PCDH15: variants seen among roughly 807,000 people sequenced by gnomAD.
The protein encoded by PCDH15 is protocadherin-15.
In PCDH15, 129 loss-of-function variants were observed where a neutral mutation model predicts 178.5. The ratio of observed to expected loss-of-function variants is 0.72; its 90% CI spans 0.63 to 0.84. The LOEUF (loss-of-function observed/expected upper bound fraction) is 0.84, where lower values mean the gene tolerates loss of function less well. Ranked by LOEUF, PCDH15 falls within the 40% of genes least tolerant of loss-of-function variation. The pLI is 0.00. For synonymous variants in PCDH15, 800 were observed against 732.0 expected, an observed-to-expected ratio of 1.09 and a Z score of -1.50; for missense variants, 2,230 against 2,099.9, an observed-to-expected ratio of 1.06 and a Z score of -1.21.
intron 2 of PCDH15, among the ~76,000 whole-genome samples, chr10:55,627,283 A>T (rs1405594057): frequency 6.6e-6 from 1 of 152,174 alleles, no homozygotes; most frequent in African/African-American, 2.4e-5. Flanking sequence ...TGACACTGAC[A>T]TTTATTTCCC....
At chr10:55,450,080 C>G (rs965983504) in intron 2 of PCDH15, among the ~76,000 whole-genome samples, 1 of 151,952 alleles carries the variant, frequency 6.6e-6, no homozygotes, top group Non-Finnish European at 1.5e-5. Flanking sequence ...TTCTGAGGAA[C>G]TAAGGGGATA....
At chr10:53,821,691 A>G in intron 32 of PCDH15, 1 of 1,416,852 alleles carries the variant, frequency 7.1e-7, no homozygotes, top group Non-Finnish European at 9.2e-7. Context: ...TGAGTGAGTT[A>G]GTAGTGATGA....
At chr10:55,278,834 A>G (rs936754785) in intron 1 of PCDH15, among the ~76,000 whole-genome samples, 11 of 152,196 alleles carry the variant, frequency 7.2e-5, no homozygotes, top group African/African-American at 2.7e-4. Context: ...TTTCTCAGAC[A>G]GGATTCTGTA....
chr10:55,122,954 A>G (rs551620287), intron 2 of PCDH15, among the ~76,000 whole-genome samples: 1 of 152,252 alleles, frequency 6.6e-6, no homozygotes, highest in African/African-American at 2.4e-5. Flanking sequence ...AAAATTTAGA[A>G]ACTTAAATGT....
chr10:54,589,417 C>T (rs2091731557), intron 2 of PCDH15, among the ~76,000 whole-genome samples: 1 of 152,146 alleles, frequency 6.6e-6, no homozygotes. Flanking sequence ...ATTTAATGTT[C>T]CAGTTTTCCT....
chr10:55,507,162 G>A (rs1273540965), intron 2 of PCDH15, among the ~76,000 whole-genome samples: 1 of 151,558 alleles, frequency 6.6e-6, no homozygotes, highest in Non-Finnish European at 1.5e-5. Context: ...ACAGGTTATA[G>A]TGGAGATTAA....
intron 27 of PCDH15, among the ~76,000 whole-genome samples, chr10:53,860,881 ATTTTAT>A (rs1177618438): frequency 2.0e-5 from 3 of 152,076 alleles, no homozygotes; most frequent in Admixed American, 6.6e-5. Flanking sequence ...ATACTTTTAT[ATTTTAT>A]TTTAAGGATA....
At chr10:54,171,495 C>T (rs1416172836) in intron 13 of PCDH15, among the ~76,000 whole-genome samples, 1 of 151,974 alleles carries the variant, frequency 6.6e-6, no homozygotes, top group Non-Finnish European at 1.5e-5. Flanking sequence ...CTTGTCATCC[C>T]TACTATCTTC....
intron 1 of PCDH15, among the ~76,000 whole-genome samples, chr10:55,213,344 G>T (rs1840618217): frequency 6.6e-6 from 1 of 151,962 alleles, no homozygotes; most frequent in Non-Finnish European, 1.5e-5. Context: ...TTCTCCCCTT[G>T]CAGTTTATGG....
intron 9 of PCDH15, among the ~76,000 whole-genome samples, chr10:54,234,331 T>A (rs1415736786): frequency 2.0e-5 from 3 of 152,144 alleles, no homozygotes; most frequent in African/African-American, 4.8e-5. Flanking sequence ...ACATTTACAA[T>A]GTATTGGATC....
chr10:55,593,242 T>C (rs1842877548), intron 2 of PCDH15, among the ~76,000 whole-genome samples: 1 of 152,000 alleles, frequency 6.6e-6, no homozygotes, highest in African/African-American at 2.4e-5. Flanking sequence ...CCAAAATGTA[T>C]GCTAACAAGA....
chr10:55,343,713 T>C lies in PCDH15; in HGVS notation c.-155-177062A>G, dbSNP rs116615740. 5.6e-3 allele frequency among the ~76,000 whole-genome samples: 850 copies of C among 152,194 alleles called. 10 individuals carry two copies. The highest frequency in any genetic ancestry group is 0.019 in the African/African-American group (809 of 41,524). On this transcript the variant is annotated intron_variant, in intron 2 of 5. Coordinates refer to the PCDH15 transcript ENST00000613346. ...GTAGCTTGTATCCAACTCTGATCAATTGGTATTAGCTGAGGGTGGAAGTAA... is the reference window on the plus strand; with the variant it reads ...GTAGCTTGTATCCAACTCTGATCAACTGGTATTAGCTGAGGGTGGAAGTAA...
At position 54,450,186 on chromosome 10, in the gene PCDH15, C is replaced by T. The variant is rs2076387584; in HGVS notation, c.158-71244G>A. Among the ~76,000 whole-genome samples, 8 of 146,050 alleles carry T rather than the reference C, an allele frequency of 5.5e-5. 1 individual carries two copies. The South Asian group carries it at 1.7e-3, about 31-fold the overall frequency. On this transcript the variant is annotated intron_variant, in intron 3 of 37. Transcript: ENST00000644397. The stretch of plus-strand genomic sequence containing the variant: ...TACTTTAAGTTCTAGGGTACATGTG[C>T]ACAACATGCAGGTTTGTTACATATG...
chr10:55,020,181 T>C (rs1055135161), intron 2 of PCDH15, among the ~76,000 whole-genome samples: 4 of 150,484 alleles, frequency 2.7e-5, no homozygotes, highest in African/African-American at 4.9e-5. Flanking sequence ...ATTAATCAAT[T>C]TGAATAAGCT....
intron 8 of PCDH15, among the ~76,000 whole-genome samples, chr10:54,281,244 T>C (rs2132722591): frequency 6.6e-6 from 1 of 152,004 alleles, no homozygotes; most frequent in African/African-American, 2.4e-5. Flanking sequence ...TTATAACCCT[T>C]AAAAACATTT....
chr10:53,897,600 CAT>C (rs1435936529), intron 26 of PCDH15, among the ~76,000 whole-genome samples: 3 of 22,146 alleles, frequency 1.4e-4, no homozygotes, highest in East Asian at 9.4e-3. Context: ...AGTGTATTCA[CAT>C]TGTTCTGCAA....
intron 1 of PCDH15, among the ~76,000 whole-genome samples, chr10:55,213,635 T>C (rs901294862): frequency 2.0e-5 from 3 of 151,786 alleles, no homozygotes; most frequent in Non-Finnish European, 2.9e-5. Flanking sequence ...GTTATATTTA[T>C]ATTAAGTCCT....
intron 2 of PCDH15, among the ~76,000 whole-genome samples, chr10:54,929,918 A>G (rs1214395336): frequency 6.6e-6 from 1 of 152,204 alleles, no homozygotes; most frequent in Non-Finnish European, 1.5e-5. Flanking sequence ...TTATTTAAGC[A>G]GATAGATAGG....
intron 3 of PCDH15, among the ~76,000 whole-genome samples, chr10:54,844,824 C>T (rs1246099976): frequency 2.0e-5 from 3 of 151,862 alleles, no homozygotes; most frequent in Admixed American, 2.0e-4. Flanking sequence ...GGCCATTATG[C>T]ATGCACTTGA....
Sources: gnomAD v4.1 joint callset for allele counts (sites outside exome capture counted in the v4.1 genomes callset) on GRCh38, gnomAD v4.1.1 for gene constraint, MANE v1.5 for transcripts, NCBI Gene and HGNC (gene_info 2026-07-23, HGNC 2026-07-21) for gene names.